Variants in OGFOD1 observed in about 807,000 individuals in gnomAD.
OGFOD1 encodes prolyl 3-hydroxylase OGFOD1.
A neutral mutation model predicts 67.7 loss-of-function variants in OGFOD1; 54 were observed. The observed-to-expected ratio is 0.80, with a 90% CI of 0.64 to 1.00. The LOEUF is 1.00. OGFOD1 is among the 50% of genes least tolerant of loss of function. OGFOD1 has a pLI of 0.00. For synonymous variants in OGFOD1, 221 were observed against 227.0 expected, an observed-to-expected ratio of 0.97 and a Z score of 0.24; for missense variants, 606 against 646.7, an observed-to-expected ratio of 0.94 and a Z score of 0.68.
At chr16:56,468,107 T>C in intron 8 of OGFOD1, 89 bp downstream of exon 8, 1 of 678,426 alleles carries the variant, frequency 1.5e-6, no homozygotes, top group Non-Finnish European at 2.6e-6. Context: ...GGGGAGTTTT[T>C]GTTTTGTTCC....
intron 4 of OGFOD1, among the ~76,000 whole-genome samples, chr16:56,465,368 T>TC (rs1386406188): frequency 1.3e-5 from 2 of 152,208 alleles, no homozygotes; most frequent in African/African-American, 4.8e-5. Context: ...TTCCTCGAGT[T>TC]CCAATTGAAC....
In OGFOD1 at chr16:56,473,180, C is replaced by T. The variant is rs138799895; in HGVS notation, c.1286-1648C>T. ...CTCTTGACCTCATGATCCGCCCACC[C>T]TGGCCTCCCAAAGTGCTGGGATTAC... On this transcript the variant is annotated intron_variant, in intron 10 of 12. Transcript: ENST00000566157. Among the ~76,000 whole-genome samples, 549 of 152,194 alleles carry T rather than the reference C, an allele frequency of 3.6e-3. 3 individuals are homozygous for T. Among genetic ancestry groups the T allele is most frequent in the African/African-American group, 0.012 (510 of 41,540 alleles).
At chr16:56,456,187 C>CT (rs1459990339) in intron 2 of OGFOD1, among the ~76,000 whole-genome samples, 2 of 152,046 alleles carry the variant, frequency 1.3e-5, no homozygotes, top group Admixed American at 1.3e-4. Context: ...CTCCTGGAGA[C>CT]TTTTTTTTCA....
At chr16:56,452,818 AT>A (rs201185944) in intron 1 of OGFOD1, among the ~76,000 whole-genome samples, 10 of 150,424 alleles carry the variant, frequency 6.6e-5, no homozygotes, top group Admixed American at 1.3e-4. Flanking sequence ...AACTGAACTG[AT>A]TTTTTTTTTA....
chr16:56,469,630 A>G (rs532052960), intron 8 of OGFOD1, among the ~76,000 whole-genome samples: 2 of 152,150 alleles, frequency 1.3e-5, no homozygotes, highest in South Asian at 4.1e-4. Flanking sequence ...CAAGGTGGAC[A>G]GATCACCTGA....
In OGFOD1 at chr16:56,477,856, G is replaced by A. The variant is rs1963548342; in HGVS notation, c.*1651G>A. 6.6e-6 allele frequency: 1 copy of A among 152,106 alleles called. No individual in the cohort carries two copies. Among genetic ancestry groups the A allele is most frequent in the Non-Finnish European group, 1.5e-5 (1 of 68,030 alleles). The allele number at this position is 152,106 out of a possible 1,614,324, so 9.4% of individuals were successfully genotyped here. Reference sequence around the variant, plus strand: ...CTCTTTCATCTCCTAAAACTTTTGAGTATTCATTCTTTTCTGAAGTTTGCA... The same window carrying A: ...CTCTTTCATCTCCTAAAACTTTTGAATATTCATTCTTTTCTGAAGTTTGCA... On this transcript the variant is annotated 3_prime_UTR_variant, in exon 13 of 13. Transcript: ENST00000566157.
Position 56,462,624 on chromosome 16 carries a change from T to C in OGFOD1, c.438T>C (p.Tyr146=), listed in dbSNP as rs1474268452. The C allele has an allele frequency of 1.9e-6, 3 of 1,594,456 alleles. No individual in the cohort carries two copies. The highest frequency in any genetic ancestry group is 1.7e-5 in the Admixed American group (1 of 60,010). ...ESTIDMSCAK[Y]EFTDALLCHD... The stretch of plus-strand genomic sequence containing the variant: ...CCATTGACATGTCCTGTGCTAAATA[T>C]GAATTCACTGGTAAGGAAGATAAAG... Residue 146 remains tyrosine, a synonymous_variant, in exon 4 of 13, where the codon TAT becomes TAC. Coordinates refer to ENST00000566157, the MANE Select transcript of OGFOD1 (RefSeq NM_018233.4).
chr16:56,458,459 C>G (rs1369661018), intron 2 of OGFOD1, 89 bp from the exon 3 acceptor site: 1 of 1,178,554 alleles, frequency 8.5e-7, no homozygotes, highest in African/African-American at 1.5e-5. Context: ...AATGACAATG[C>G]TAGGACCAGA....
intron 3 of OGFOD1, among the ~76,000 whole-genome samples, chr16:56,461,796 G>A (rs1016866781): frequency 6.6e-6 from 1 of 152,142 alleles, no homozygotes; most frequent in Admixed American, 6.5e-5. Context: ...AGTAAAGTGT[G>A]TAAAGAAAAA....
chr16:56,464,447 T>C (rs1325110730), intron 4 of OGFOD1, among the ~76,000 whole-genome samples: 1 of 152,214 alleles, frequency 6.6e-6, no homozygotes, highest in Non-Finnish European at 1.5e-5. Context: ...TTCTCTGATG[T>C]TTCTTGCTAA....
At chr16:56,458,314 T>C (rs1427946179) in intron 2 of OGFOD1, 1 of 516,492 alleles carries the variant, frequency 1.9e-6, no homozygotes, top group African/African-American at 1.9e-5. Flanking sequence ...GCATAGAAAC[T>C]AGACTATAAT....
Position 56,477,636 on chromosome 16 carries a change from G to A in OGFOD1, c.*1431G>A, listed in dbSNP as rs1478691333. 6.6e-6 allele frequency: 1 copy of A among 152,176 alleles called. No homozygotes were observed. Among genetic ancestry groups the A allele is most frequent in the African/African-American group, 2.4e-5 (1 of 41,440 alleles). The allele number at this position is 152,176 out of a possible 1,614,324, so 9.4% of individuals were successfully genotyped here. A position where few individuals can be genotyped will look rare whatever the true frequency, so the allele number is the denominator to read the frequency against. ...TTAATTTTTTTCTTGAACTGTTCCA[G>A]GGAGTTACATCATAATTACCTGTGT... On this transcript the variant is annotated 3_prime_UTR_variant, in exon 13 of 13. Coordinates refer to ENST00000566157, the MANE Select transcript of OGFOD1 (RefSeq NM_018233.4).
At chr16:56,463,661 A>G (rs1962802772) in intron 4 of OGFOD1, among the ~76,000 whole-genome samples, 1 of 150,562 alleles carries the variant, frequency 6.6e-6, no homozygotes, top group Non-Finnish European at 1.5e-5. Flanking sequence ...ACCTCAAGTG[A>G]TCCGCCTGCC....
In OGFOD1 at chr16:56,451,712, A is replaced by G. The variant is rs1301853811; in HGVS notation, c.100A>G (p.Thr34Ala). ...GTTTTCGGACGCTGTTACGGAAGAA[A>G]CCTTGAAAAAGCAGGTGGCTGAGGC... ...AEFSDAVTEE[T>A]LKKQVAEAWS... Residue 34 changes from threonine (T) to alanine (A), a missense_variant, in exon 1 of 13, where the codon ACC (threonine) becomes GCC (alanine). By Grantham distance (58) the Thr-to-Ala change is moderately conservative. Transcript: ENST00000566157. 1 of 1,613,888 alleles carries G rather than the reference A, an allele frequency of 6.2e-7. No individual in the cohort carries two copies. The highest frequency in any genetic ancestry group is 1.7e-5 in the Admixed American group (1 of 60,016).
At chr16:56,460,017 C>T (rs1406465263) in intron 3 of OGFOD1, among the ~76,000 whole-genome samples, 1 of 152,136 alleles carries the variant, frequency 6.6e-6, no homozygotes, top group Admixed American at 6.5e-5. Flanking sequence ...CTCTGCAGTA[C>T]TTCCATGTAT....
chr16:56,464,153 A>G (rs1159423448), intron 4 of OGFOD1, among the ~76,000 whole-genome samples: 1 of 152,172 alleles, frequency 6.6e-6, no homozygotes, highest in Non-Finnish European at 1.5e-5. Context: ...AACTTGCTTC[A>G]GTTTGGGATT....
chr16:56,466,411 G>A, intron 5 of OGFOD1, 143 bp downstream of exon 5: 1 of 607,470 alleles, frequency 1.6e-6, no homozygotes, highest in Non-Finnish European at 2.9e-6. Flanking sequence ...ACTACCTCAA[G>A]AGGAATAAAT....
chr16:56,474,446 C>T (rs1002140935), intron 10 of OGFOD1, among the ~76,000 whole-genome samples: 3 of 151,626 alleles, frequency 2.0e-5, no homozygotes, highest in Non-Finnish European at 2.9e-5. Context: ...TTAAGCCTCC[C>T]GGGTAGCTGG....
At chr16:56,463,355 C>T (rs1962781182) in intron 4 of OGFOD1, among the ~76,000 whole-genome samples, 1 of 103,788 alleles carries the variant, frequency 9.6e-6, no homozygotes, top group African/African-American at 3.6e-5. Context: ...CATGTATCTT[C>T]ATTTACTGCC....
Sources: allele counts gnomAD v4.1 joint callset (sites outside exome capture counted in the v4.1 genomes callset), GRCh38; gene constraint gnomAD v4.1.1; transcripts MANE v1.5; gene names NCBI Gene and HGNC (gene_info 2026-07-23, HGNC 2026-07-21).